ARSG: variants seen among roughly 807,000 people sequenced by gnomAD.
ARSG encodes arylsulfatase G, also known as ASG.
ARSG carries 37 observed loss-of-function variants against 50.5 expected under a neutral mutation model. That is an observed-to-expected ratio of 0.73 (90% CI 0.56 to 0.96). The LOEUF (loss-of-function observed/expected upper bound fraction) is 0.96, where lower values mean the gene tolerates loss of function less well. Among genes scored for constraint, ARSG ranks in the 50% least tolerant of loss-of-function variants. ARSG has a pLI of 0.00. For missense variants in ARSG, 629 were observed against 675.3 expected (o/e 0.93, Z 0.76); for synonymous variants, 225 against 254.6 (o/e 0.88, Z 1.11).
chr17:68,271,109 G>A lies in ARSG; in HGVS notation c.-552+11683G>A, dbSNP rs1860795723. The A allele has an allele frequency of 6.2e-7, 1 of 1,614,146 alleles. No individual in the cohort carries two copies. ...ATCTTACGAATGGGCTCCCTGTTGA[G>A]GACAAAACCAGCTCCGATCCTTCCG... On this transcript the variant is annotated intron_variant, in intron 1 of 11. Transcript: ENST00000448504. This position sits in a 1 kb window ranked among gnomAD's most constrained non-coding sequence, Gnocchi z 5.3.
At chr17:68,442,510 G>T in the ARSG span, among the ~76,000 whole-genome samples, 2 of 151,886 alleles carry the variant, frequency 1.3e-5, no homozygotes, top group African/African-American at 4.8e-5. Flanking sequence ...GCAAGGGAGG[G>T]TGCTCAGTCC....
At chr17:68,343,215 G>A (rs1411815474) in intron 2 of ARSG, among the ~76,000 whole-genome samples, 1 of 152,034 alleles carries the variant, frequency 6.6e-6, no homozygotes, top group Non-Finnish European at 1.5e-5. Flanking sequence ...GGAGTGCGGT[G>A]GCGTGCTCTT....
intron 1 of ARSG, among the ~76,000 whole-genome samples, chr17:68,296,284 C>T (rs952278803): frequency 6.6e-6 from 1 of 152,132 alleles, no homozygotes; most frequent in East Asian, 1.9e-4. Flanking sequence ...TCCACCTGCC[C>T]TGTTCCTCAA....
chr17:68,353,855 C>T (rs1038650397), intron 5 of ARSG, among the ~76,000 whole-genome samples: 2 of 151,916 alleles, frequency 1.3e-5, no homozygotes, highest in African/African-American at 4.8e-5. Context: ...GCTTGTGTTA[C>T]CATGCCTGGC....
intron 6 of ARSG, among the ~76,000 whole-genome samples, chr17:68,359,956 C>A (rs765389356): frequency 1.3e-5 from 2 of 152,196 alleles, no homozygotes; most frequent in Non-Finnish European, 2.9e-5. Flanking sequence ...GTTTCGGGCC[C>A]CTGTGCCCCA....
In ARSG at chr17:68,395,167, T is replaced by C. The variant is rs1317181408; in HGVS notation, c.1186T>C (p.Phe396Leu). Reference sequence around the variant, plus strand: ...TGGTGTGGACGTCTCCGAGGTGCTCTTTGGCCGGTCACAGCCTGGGCACAG... The same window carrying C: ...TGGTGTGGACGTCTCCGAGGTGCTCCTTGGCCGGTCACAGCCTGGGCACAG... ...FDGVDVSEVLFGRSQPGHRVL... is the reference protein window; with the variant it reads ...FDGVDVSEVLLGRSQPGHRVL... The change falls in exon 10 of 12, where the codon TTT becomes CTT. Residue 396 changes from phenylalanine to leucine, a missense_variant. By Grantham distance (22) the Phe-to-Leu change is conservative (BLOSUM62 0). Transcript: ENST00000621439. The C allele has an allele frequency of 6.2e-7, 1 of 1,613,986 alleles. No individual in the cohort carries two copies. Among genetic ancestry groups the C allele is most frequent in the Non-Finnish European group, 8.5e-7 (1 of 1,179,976 alleles).
intron 1 of ARSG, among the ~76,000 whole-genome samples, chr17:68,283,478 G>A (rs1208300449): frequency 6.1e-5 from 9 of 148,450 alleles, no homozygotes; most frequent in South Asian, 4.3e-4. Flanking sequence ...CCGAGATCGC[G>A]CCACTGCACT....
At chr17:68,419,530 T>C (rs2082619488) in intron 11 of ARSG, among the ~76,000 whole-genome samples, 1 of 152,164 alleles carries the variant, frequency 6.6e-6, no homozygotes, top group Admixed American at 6.5e-5. Context: ...GAGCTGAAGA[T>C]TGTGCCATTG....
chr17:68,378,715 A>T lies in ARSG; in HGVS notation c.983-6349A>T, dbSNP rs1234581752. ...CAACACCTTGTTTTTCCCCTAACTG[A>T]CTGCTCCTCTGTCTGGAAAATCTTT... is the stretch of plus-strand genomic sequence containing the variant. On this transcript the variant is annotated intron_variant, in intron 8 of 11. Transcript: ENST00000621439. The surrounding 1 kb of genome is among the most constrained non-coding windows in gnomAD (Gnocchi z 4.4). 5.9e-5 allele frequency among the ~76,000 whole-genome samples: 9 copies of T among 151,998 alleles called. No individual in the cohort carries two copies. Among genetic ancestry groups the T allele is most frequent in the Non-Finnish European group, 1.2e-4 (8 of 67,996 alleles).
intron 2 of ARSG, among the ~76,000 whole-genome samples, chr17:68,336,203 T>A (rs546188542): frequency 7.9e-4 from 119 of 151,212 alleles, no homozygotes; most frequent in African/African-American, 2.7e-3. Flanking sequence ...CTGGTCTTCT[T>A]TCTTTTCTTT....
At chr17:68,275,513 A>G (rs1290470537) in intron 1 of ARSG, among the ~76,000 whole-genome samples, 2 of 152,206 alleles carry the variant, frequency 1.3e-5, no homozygotes, top group East Asian at 1.9e-4. Flanking sequence ...ATCTTCTGGT[A>G]TAATAGTATT....
chr17:68,433,760 G>GTTTT, the ARSG span, among the ~76,000 whole-genome samples: 18 of 72,818 alleles, frequency 2.5e-4, 4 homozygotes, highest in South Asian at 2.8e-3. Context: ...AAGGGTCATA[G>GTTTT]TTTTTTTTTT....
At chr17:68,260,527 G>A (rs2075056628) in intron 1 of ARSG, among the ~76,000 whole-genome samples, 1 of 152,158 alleles carries the variant, frequency 6.6e-6, no homozygotes, top group Non-Finnish European at 1.5e-5. Context: ...TTGCTCTGTT[G>A]CCCAGGCTGG....
downstream of ARSG, chr17:68,426,252 G>GGGGGC: frequency 1.2e-6 from 1 of 828,188 alleles, no homozygotes; most frequent in Admixed American, 2.3e-5. Flanking sequence ...TGGGGAGCGG[G>GGGGGC]GGCTCAAATA....
chr17:68,413,890 G>GTCACC (rs2082185863), intron 11 of ARSG: 1 of 152,436 alleles, frequency 6.6e-6, no homozygotes, highest in Non-Finnish European at 1.5e-5. Context: ...GGTGCCGTCT[G>GTCACC]TCACCCCTTT....
chr17:68,264,857 GAA>G, intron 1 of ARSG, among the ~76,000 whole-genome samples: 1 of 151,408 alleles, frequency 6.6e-6, no homozygotes, highest in Non-Finnish European at 1.5e-5. Context: ...CAGGGGAAAT[GAA>G]AACATAATTA....
At chr17:68,288,618 A>G (rs1404209898), upstream of ARSG, among the ~76,000 whole-genome samples, 2 of 152,208 alleles carry the variant, frequency 1.3e-5, no homozygotes, top group Non-Finnish European at 2.9e-5. Context: ...AATCAAGGTA[A>G]ATGTAAAAAA....
At chr17:68,368,227 A>G (rs1421231433) in intron 6 of ARSG, among the ~76,000 whole-genome samples, 2 of 152,230 alleles carry the variant, frequency 1.3e-5, no homozygotes, top group Admixed American at 6.5e-5. Flanking sequence ...ATCCTGGGCA[A>G]GTCCTTTAAT....
At position 68,411,852 on chromosome 17, in the gene ARSG, T is replaced by C. The variant is rs1430309939; in HGVS notation, c.1304-8337T>C. Among the ~76,000 whole-genome samples the C allele has an allele frequency of 2.6e-5, 4 of 151,076 alleles. No individual in the cohort carries two copies. In the East Asian group the frequency reaches 7.7e-4, roughly 29 times the overall value. ...ATTTAGGATAGTTAGCTCTTCTTGTTGAATTGATCCCTTTACCATTATGTA... is the reference window on the plus strand; with the variant it reads ...ATTTAGGATAGTTAGCTCTTCTTGTCGAATTGATCCCTTTACCATTATGTA... On this transcript the variant is annotated intron_variant, in intron 11 of 11. Coordinates refer to ENST00000621439, the MANE Select transcript of ARSG (RefSeq NM_001267727.2).
Sources: allele counts gnomAD v4.1 joint callset (sites outside exome capture counted in the v4.1 genomes callset), GRCh38; gene constraint gnomAD v4.1.1; non-coding constraint Gnocchi (gnomAD v3.1); transcripts MANE v1.5; gene names NCBI Gene and HGNC (gene_info 2026-07-23, HGNC 2026-07-21).